AK5: variants seen among roughly 807,000 people sequenced by gnomAD.
AK5 encodes adenylate kinase isoenzyme 5.
Under a neutral mutation model 69.5 loss-of-function variants are expected in AK5, and 27 were observed. That is an observed-to-expected ratio of 0.39 (90% CI 0.29 to 0.54). AK5 has a LOEUF of 0.54. Among genes scored for constraint, AK5 ranks in the 20% least tolerant of loss-of-function variants. The pLI is 0.71. For synonymous variants in AK5, 260 were observed against 244.4 expected (o/e 1.06, Z -0.60); for missense variants, 531 against 700.4 (o/e 0.76, Z 2.73).
intron 1 of AK5, among the ~76,000 whole-genome samples, chr1:77,285,509 T>C (rs994704888): frequency 7.2e-5 from 11 of 152,246 alleles, no homozygotes; most frequent in African/African-American, 2.7e-4. Context: ...TTTAAACAGA[T>C]GTCAGCCCTT....
chr1:77,362,908 G>T (rs1646889342), intron 6 of AK5, among the ~76,000 whole-genome samples: 1 of 152,104 alleles, frequency 6.6e-6, no homozygotes. Flanking sequence ...AATCTGTCCT[G>T]ATGCAATGAC....
chr1:77,482,541 G>A (rs1655315851), intron 8 of AK5, among the ~76,000 whole-genome samples: 3 of 152,150 alleles, frequency 2.0e-5, no homozygotes, highest in Admixed American at 2.0e-4. Flanking sequence ...GAAAGGCCGA[G>A]GTAGGCAGAT....
intron 8 of AK5, among the ~76,000 whole-genome samples, chr1:77,479,070 A>G (rs935407607): frequency 6.6e-6 from 1 of 152,112 alleles, no homozygotes; most frequent in South Asian, 2.1e-4. Flanking sequence ...GCAGTTTTCC[A>G]TAGCCAGTAA....
rs1048716011 is a variant in AK5, at chr1:77,438,318, A to G, written c.1059+20603A>G. The stretch of plus-strand genomic sequence containing the variant: ...ACAAAAAAAAAAAAAAAAAAAAAAA[A>G]AAAAAACAAGCTTGGGGAGTTCAAA... On this transcript the variant is annotated intron_variant, in intron 8 of 13. Coordinates refer to ENST00000354567, the MANE Select transcript of AK5 (RefSeq NM_174858.3). Among the ~76,000 whole-genome samples, 794 of 141,556 alleles carry G rather than the reference A, an allele frequency of 5.6e-3. 18 individuals carry two copies. The highest frequency in any genetic ancestry group is 0.012 in the East Asian group (56 of 4,832). The allele number at this position is 141,556 out of a possible 152,430, so 92.9% of individuals were successfully genotyped here.
intron 8 of AK5, among the ~76,000 whole-genome samples, chr1:77,479,559 G>A (rs928139406): frequency 2.0e-5 from 3 of 152,138 alleles, no homozygotes; most frequent in African/African-American, 7.2e-5. Context: ...CACCTTAACA[G>A]TATTAATCAC....
intron 6 of AK5, among the ~76,000 whole-genome samples, chr1:77,353,184 T>C (rs1662304135): frequency 6.6e-6 from 1 of 152,208 alleles, no homozygotes. Flanking sequence ...GGTATTAAAA[T>C]TATTTAGTGC....
intron 8 of AK5, among the ~76,000 whole-genome samples, chr1:77,476,635 G>A (rs1040488446): frequency 2.0e-5 from 3 of 152,088 alleles, no homozygotes; most frequent in Non-Finnish European, 2.9e-5. Flanking sequence ...ATCATCTCAC[G>A]CCAGCCGGGT....
intron 12 of AK5, chr1:77,531,997 GCCGGC>G (rs1225329969): frequency 7.2e-6 from 1 of 138,632 alleles, no homozygotes; most frequent in Non-Finnish European, 1.7e-5. Flanking sequence ...CATCCGGCCG[GCCGGC>G]CGGCCGCTCC....
chr1:77,345,453 G>T (rs569403957), intron 6 of AK5, among the ~76,000 whole-genome samples: 1 of 152,322 alleles, frequency 6.6e-6, no homozygotes, highest in East Asian at 1.9e-4. Flanking sequence ...AGGCTGTATA[G>T]ACCAATGTTT....
intron 8 of AK5, among the ~76,000 whole-genome samples, chr1:77,433,042 G>A (rs895982550): frequency 1.3e-5 from 2 of 152,084 alleles, no homozygotes; most frequent in African/African-American, 2.4e-5. Flanking sequence ...TTCTTTTTTC[G>A]GGTATGAGAC....
chr1:77,319,582 G>A (rs577832065), intron 5 of AK5, among the ~76,000 whole-genome samples: 1 of 152,150 alleles, frequency 6.6e-6, no homozygotes, highest in African/African-American at 2.4e-5. Context: ...GCTGCCCAGT[G>A]GTAACATTTT....
chr1:77,530,180 G>T (rs1433277517), intron 12 of AK5, among the ~76,000 whole-genome samples: 2 of 152,234 alleles, frequency 1.3e-5, no homozygotes, highest in African/African-American at 4.8e-5. Context: ...ATTGTGGGGA[G>T]CCCTGGAGGC....
chr1:77,424,918 C>A (rs1395797816), intron 8 of AK5, among the ~76,000 whole-genome samples: 1 of 152,134 alleles, frequency 6.6e-6, no homozygotes, highest in African/African-American at 2.4e-5. Flanking sequence ...ATCCAGGAAT[C>A]TCAGAAAATA....
chr1:77,376,447 AAAAC>A (rs1399769604), intron 6 of AK5, among the ~76,000 whole-genome samples: 10,664 of 43,268 alleles, frequency 0.25, 1,167 homozygotes, highest in Non-Finnish European at 0.33. Context: ...AAAAAAAAAA[AAAAC>A]AAAAAAAAAA....
intron 6 of AK5, among the ~76,000 whole-genome samples, chr1:77,360,559 G>T (rs1032240780): frequency 6.6e-6 from 1 of 152,116 alleles, no homozygotes; most frequent in African/African-American, 2.4e-5. Context: ...ACATCTGACT[G>T]CAAAGGAAAG....
At chr1:77,443,938 C>T (rs1265312198) in intron 8 of AK5, among the ~76,000 whole-genome samples, 1 of 151,376 alleles carries the variant, frequency 6.6e-6, no homozygotes, top group Non-Finnish European at 1.5e-5. Context: ...CCTACCCACC[C>T]ACCCAAGACA....
At chr1:77,511,324 T>TCTGTAATATATGTAC (rs1207275130) in intron 10 of AK5, among the ~76,000 whole-genome samples, 7 of 152,274 alleles carry the variant, frequency 4.6e-5, no homozygotes, top group African/African-American at 1.4e-4. Context: ...TATCAAGTTA[T>TCTGTAATATATGTAC]CTGTAATATA....
At chr1:77,459,616 G>A (rs74092655) in intron 8 of AK5, among the ~76,000 whole-genome samples, 6,941 of 152,228 alleles carry the variant, frequency 0.046, 403 homozygotes, top group East Asian at 0.19. Context: ...TTTGTAATGA[G>A]TCCTCAGGTA....
intron 10 of AK5, among the ~76,000 whole-genome samples, chr1:77,500,896 C>T (rs1380406007): frequency 6.6e-6 from 1 of 152,060 alleles, no homozygotes; most frequent in Non-Finnish European, 1.5e-5. Flanking sequence ...TGTTCCTACC[C>T]ATCCCAGAAC....
Sources: gnomAD v4.1 joint callset for allele counts (sites outside exome capture counted in the v4.1 genomes callset) on GRCh38, gnomAD v4.1.1 for gene constraint, MANE v1.5 for transcripts, NCBI Gene and HGNC (gene_info 2026-07-23, HGNC 2026-07-21) for gene names.